NUDC: variants seen among roughly 807,000 people sequenced by gnomAD.
NUDC encodes nuclear distribution C, dynein complex regulator, also known as nuclear migration protein nudC.
Under a neutral mutation model 45.0 loss-of-function variants are expected in NUDC, and 14 were observed. The observed-to-expected ratio is 0.31, with a 90% CI of 0.21 to 0.49. The LOEUF (loss-of-function observed/expected upper bound fraction) is 0.49. Ranked by LOEUF, NUDC falls within the 20% of genes least tolerant of loss-of-function variation. NUDC has a pLI of 0.99. For synonymous variants in NUDC, 153 were observed against 156.7 expected (o/e 0.98, Z 0.17); for missense variants, 323 against 426.2 (o/e 0.76, Z 2.13).
At chr1:26,902,894 CA>C (rs1313413849) in intron 2 of NUDC, among the ~76,000 whole-genome samples, 2 of 151,934 alleles carry the variant, frequency 1.3e-5, no homozygotes, top group Non-Finnish European at 2.9e-5. Context: ...ACTAAAAATA[CA>C]AAAATTAGCC....
At chr1:26,927,685 T>G (rs932512660) in intron 2 of NUDC, among the ~76,000 whole-genome samples, 3 of 152,040 alleles carry the variant, frequency 2.0e-5, no homozygotes, top group African/African-American at 7.2e-5. Flanking sequence ...CATGAGCCAC[T>G]GCGCCCAGCC....
chr1:26,921,568 G>C (rs1557670475), upstream of NUDC, among the ~76,000 whole-genome samples: 1 of 152,240 alleles, frequency 6.6e-6, no homozygotes, highest in East Asian at 1.9e-4. Flanking sequence ...CGGGCCCACG[G>C]CTCCGCCTAC....
intron 2 of NUDC, among the ~76,000 whole-genome samples, chr1:26,904,184 C>CTTT (rs55759997): frequency 1.7e-4 from 24 of 137,208 alleles, no homozygotes; most frequent in African/African-American, 6.4e-4. Flanking sequence ...TTATTACATA[C>CTTT]TTTTTTTTTT....
intron 8 of NUDC, 28 bp downstream of exon 8, chr1:26,945,714 G>A (rs906843837): frequency 6.5e-6 from 10 of 1,548,754 alleles, no homozygotes; most frequent in Non-Finnish European, 8.0e-6. Flanking sequence ...GGGGTTGGGG[G>A]ACCGTGGGTG....
intron 2 of NUDC, among the ~76,000 whole-genome samples, chr1:26,908,707 G>A (rs1570709974): frequency 6.6e-6 from 1 of 151,902 alleles, no homozygotes; most frequent in East Asian, 1.9e-4. Context: ...ACAGACATAA[G>A]CCACCATACC....
intron 2 of NUDC, among the ~76,000 whole-genome samples, chr1:26,925,289 C>A (rs1231368831): frequency 3.3e-5 from 5 of 151,108 alleles, no homozygotes. Flanking sequence ...GCCTGTAATC[C>A]CAGCACTTTG....
At chr1:26,943,914 G>A (rs2082298683) in intron 6 of NUDC, among the ~76,000 whole-genome samples, 2 of 152,098 alleles carry the variant, frequency 1.3e-5, no homozygotes, top group African/African-American at 4.8e-5. Context: ...CACTTGCTTT[G>A]TCGCCCAGGC....
chr1:26,933,936 C>G (rs908368101), intron 2 of NUDC, among the ~76,000 whole-genome samples: 7 of 152,046 alleles, frequency 4.6e-5, no homozygotes, highest in African/African-American at 1.4e-4. Context: ...GGGCAGATCA[C>G]GAGGTCAGGA....
intron 2 of NUDC, among the ~76,000 whole-genome samples, chr1:26,938,545 G>A (rs1412890880): frequency 6.6e-6 from 1 of 152,196 alleles, no homozygotes; most frequent in Non-Finnish European, 1.5e-5. Flanking sequence ...TTGTGGTTTA[G>A]GGGGTACGTT....
exon 1 of NUDC, chr1:26,900,333 C>T (rs1266735757): frequency 1.9e-6 from 3 of 1,614,092 alleles, no homozygotes; most frequent in East Asian, 2.2e-5. Flanking sequence ...GCGCTCTTCT[C>T]GGAACTGGCT....
chr1:26,945,568 C>T lies in NUDC; in HGVS notation c.826C>T (p.Leu276=). 6.2e-7 allele frequency: 1 copy of T among 1,613,742 alleles called. No individual in the cohort carries two copies. The highest frequency in any genetic ancestry group is 2.2e-5 in the East Asian group (1 of 44,884). ...GATTCCTGTCACTGCCTGCCCTCAG[C>T]TGTCAGACCTGGACAGTGAGACTCG... ...TKKINPENSK[L]SDLDSETRSM... The change falls in exon 8 of 9, where the codon CTG becomes TTG. Residue 276 remains leucine, a splice_region_variant and synonymous_variant. Transcript: ENST00000321265.
chr1:26,929,061 C>A lies in NUDC; in HGVS notation c.159+4895C>A, dbSNP rs184027899. Among the ~76,000 whole-genome samples the A allele has an allele frequency of 3.2e-3, 486 of 152,256 alleles. 4 individuals carry two copies. The highest frequency in any genetic ancestry group is 0.011 in the African/African-American group (463 of 41,556). On this transcript the variant is annotated intron_variant, in intron 2 of 8. Coordinates refer to ENST00000321265, the MANE Select transcript of NUDC (RefSeq NM_006600.4). Reference sequence around the variant, plus strand: ...ATAAACAATGTGGTATAGACATACTCTGGGATGTTATTCTGCCTTAAAAGG... The same window carrying A: ...ATAAACAATGTGGTATAGACATACTATGGGATGTTATTCTGCCTTAAAAGG...
chr1:26,925,710 C>T (rs998099268), intron 2 of NUDC, among the ~76,000 whole-genome samples: 24 of 149,584 alleles, frequency 1.6e-4, no homozygotes, highest in African/African-American at 5.6e-4. Flanking sequence ...ATTGTTATAT[C>T]ATGAGGAATT....
intron 2 of NUDC, among the ~76,000 whole-genome samples, chr1:26,941,046 C>T (rs886243238): frequency 6.8e-6 from 1 of 146,590 alleles, no homozygotes; most frequent in African/African-American, 2.5e-5. Context: ...CTCAGCTTCT[C>T]GAGTAGCTGG....
chr1:26,913,987 C>T (rs568433763), intron 3 of NUDC: 33 of 1,376,322 alleles, frequency 2.4e-5, no homozygotes, highest in African/African-American at 1.2e-4. Flanking sequence ...CTGTGTTCTG[C>T]GCTGTGGGTG....
At chr1:26,918,014 T>G (rs893907687), upstream of NUDC, among the ~76,000 whole-genome samples, 7 of 151,946 alleles carry the variant, frequency 4.6e-5, no homozygotes, top group African/African-American at 1.5e-4. Flanking sequence ...ACAATTATAT[T>G]TATTTCTATA....
At position 26,945,386 on chromosome 1, in the gene NUDC, A is replaced by G. The variant is rs1335892485; in HGVS notation, c.742-4A>G. ...CTCCCACCCTCTGGTTGTTCTCTTCACAGATCAATAAGATGGAGTGGTGGA... is the reference window on the plus strand; with the variant it reads ...CTCCCACCCTCTGGTTGTTCTCTTCGCAGATCAATAAGATGGAGTGGTGGA... On this transcript the variant is annotated splice_region_variant and splice_polypyrimidine_tract_variant and intron_variant, in intron 6 of 8. Transcript: ENST00000321265. 6.2e-6 allele frequency: 10 copies of G among 1,613,672 alleles called. No individual in the cohort carries two copies. In the East Asian group the frequency reaches 1.8e-4, roughly 29 times the overall value.
intron 4 of NUDC, among the ~76,000 whole-genome samples, chr1:26,942,443 A>C (rs1345318996): frequency 2.6e-5 from 4 of 152,230 alleles, no homozygotes; most frequent in Admixed American, 2.6e-4. Flanking sequence ...TAATATTAAT[A>C]GTCTGAGCTC....
upstream of NUDC, among the ~76,000 whole-genome samples, chr1:26,918,279 CTTT>C (rs749407425): frequency 3.5e-5 from 4 of 113,800 alleles, no homozygotes; most frequent in African/African-American, 6.7e-5. Flanking sequence ...TCAAGTGATT[CTTT>C]TTTTTTTTTT....
Sources: allele counts gnomAD v4.1 joint callset (sites outside exome capture counted in the v4.1 genomes callset), GRCh38; gene constraint gnomAD v4.1.1; transcripts MANE v1.5; gene names NCBI Gene and HGNC (gene_info 2026-07-23, HGNC 2026-07-21).